DDX46: variants seen among roughly 807,000 people sequenced by gnomAD.
DDX46 encodes probable ATP-dependent RNA helicase DDX46.
In DDX46, 30 loss-of-function variants were observed where a neutral mutation model predicts 134.9. That is an observed-to-expected ratio of 0.22 (90% confidence interval 0.17 to 0.30). The LOEUF (loss-of-function observed/expected upper bound fraction) is 0.30, where lower values mean the gene tolerates loss of function less well. DDX46 is among the 10% of genes least tolerant of loss of function. The pLI is 1.00. For synonymous variants in DDX46, 415 were observed against 404.1 expected, an observed-to-expected ratio of 1.03 and a Z score of -0.32; for missense variants, 622 against 1,248.7, an observed-to-expected ratio of 0.50 and a Z score of 7.56.
rs566603267 is a variant in DDX46 at position 134,787,607 on chromosome 5, C to A, written c.1465-906C>A. ...ACTGTAGTTTGTAGAAATACACTTA[C>A]AAAATAACATGGTACATGCCTGCAC... On this transcript the variant is annotated intron_variant, in intron 11 of 22. Transcript: ENST00000452510. Among the ~76,000 whole-genome samples the A allele has an allele frequency of 5.3e-5, 8 of 152,286 alleles. No individual in the cohort carries two copies. In the South Asian group the frequency reaches 1.2e-3, roughly 24 times the overall value.
rs377108077 is a variant in DDX46, at chr5:134,797,219, A to G, written c.1954+1069A>G. ...AAAACACAAAACACATGGAACAGAGACAGTTTGAATTATTCTCATTAACTA... is the reference window on the plus strand; with the variant it reads ...AAAACACAAAACACATGGAACAGAGGCAGTTTGAATTATTCTCATTAACTA... On this transcript the variant is annotated intron_variant, in intron 15 of 22. Transcript: ENST00000452510. 4.1e-5 allele frequency: 11 copies of G among 269,674 alleles called. No individual in the cohort carries two copies. In the East Asian group the frequency reaches 1.4e-3, roughly 34 times the overall value. 16.7% of individuals were successfully genotyped at this position (269,674 alleles called of 1,614,324 possible). A position where few individuals can be genotyped will look rare whatever the true frequency, so the allele number is the denominator to read the frequency against.
At chr5:134,806,160 T>G (rs2150154023) in intron 15 of DDX46, among the ~76,000 whole-genome samples, 1 of 150,852 alleles carries the variant, frequency 6.6e-6, no homozygotes, top group Middle Eastern at 3.4e-3. Context: ...TTGCAGTGAG[T>G]CCAGATCACG....
chr5:134,771,648 G>A (rs1448818260), intron 4 of DDX46, among the ~76,000 whole-genome samples: 1 of 151,716 alleles, frequency 6.6e-6, no homozygotes, highest in African/African-American at 2.4e-5. Context: ...CTTGCAGTGA[G>A]CCGAGATTGG....
chr5:134,812,657 G>C (rs1755178370), intron 18 of DDX46, among the ~76,000 whole-genome samples: 1 of 151,912 alleles, frequency 6.6e-6, no homozygotes, highest in South Asian at 2.1e-4. Flanking sequence ...AAAATTAGCC[G>C]GGCGTGTCTT....
rs569120916 is a variant in DDX46, at chr5:134,799,316, CTTTTT to C, written c.1954+3175_1954+3179del. 3.5e-5 allele frequency among the ~76,000 whole-genome samples: 5 copies of C among 144,678 alleles called. No homozygotes were observed. In the East Asian group the frequency reaches 1.0e-3, roughly 29 times the overall value. 94.9% of individuals were successfully genotyped at this position (144,678 alleles called of 152,430 possible). ...TAACACTAGTTCAAAACTTGTTTCA[CTTTTT>C]TTTTTTTTCTGAGACAGAGTCTCCC... On this transcript the variant is annotated intron_variant, in intron 15 of 22. Transcript: ENST00000452510.
chr5:134,817,353 A>G (rs946632861), intron 19 of DDX46, 143 bp from the exon 20 acceptor site: 11 of 739,500 alleles, frequency 1.5e-5, no homozygotes, highest in Non-Finnish European at 2.1e-5. Flanking sequence ...AATCACACAT[A>G]TCAATGAGAC....
rs1183599350 is a variant in DDX46 at position 134,768,821 on chromosome 5, G to T, written c.350+1761G>T. ...CACGCCTGTAATCCTAGCACTTTGGGAGGCCGAGGTGGATGGATCACGAGG... is the reference window on the plus strand; with the variant it reads ...CACGCCTGTAATCCTAGCACTTTGGTAGGCCGAGGTGGATGGATCACGAGG... On this transcript the variant is annotated intron_variant, in intron 3 of 22. Coordinates refer to ENST00000452510, the MANE Select transcript of DDX46 (RefSeq NM_001300860.2). Among the ~76,000 whole-genome samples the T allele has an allele frequency of 3.9e-5, 6 of 152,240 alleles. No individual in the cohort carries two copies. In the East Asian group the frequency reaches 7.7e-4, roughly 20 times the overall value.
At chr5:134,780,417 T>G (rs1427247091) in intron 6 of DDX46, among the ~76,000 whole-genome samples, 1 of 150,204 alleles carries the variant, frequency 6.7e-6, no homozygotes, top group Non-Finnish European at 1.5e-5. Flanking sequence ...ATGCAAAAAT[T>G]AGCCGGACTA....
intron 1 of DDX46, among the ~76,000 whole-genome samples, chr5:134,762,596 G>A (rs1406120603): frequency 6.6e-6 from 1 of 151,600 alleles, no homozygotes; most frequent in Non-Finnish European, 1.5e-5. Context: ...GGCTGGGCGT[G>A]GTAGTATAGG....
intron 6 of DDX46, among the ~76,000 whole-genome samples, chr5:134,780,261 ATAT>A (rs1299592706): frequency 4.0e-5 from 6 of 149,890 alleles, no homozygotes; most frequent in Non-Finnish European, 7.4e-5. Context: ...ATTTTTATAT[ATAT>A]TATTGTTATA....
chr5:134,763,503 A>G (rs1331611406), intron 1 of DDX46, among the ~76,000 whole-genome samples: 2 of 152,178 alleles, frequency 1.3e-5, no homozygotes, highest in East Asian at 3.9e-4. Context: ...TTTGCGTGGA[A>G]AATTCCCTGT....
intron 1 of DDX46, among the ~76,000 whole-genome samples, chr5:134,760,722 TG>T (rs1311209728): frequency 6.6e-6 from 1 of 152,076 alleles, no homozygotes; most frequent in Non-Finnish European, 1.5e-5. Context: ...ATTACTTGGT[TG>T]TTTTTTTGTT....
intron 6 of DDX46, among the ~76,000 whole-genome samples, chr5:134,780,564 CAATAAATAAATAAATAAATA>C (rs10655595): frequency 1.4e-5 from 2 of 142,308 alleles, no homozygotes; most frequent in Non-Finnish European, 3.0e-5. Context: ...AACTTTATCT[CAATAAATAAATAAATAAATA>C]AATAAATAAA....
At position 134,769,465 on chromosome 5, in the gene DDX46, A is replaced by G. The variant is rs1753689149; in HGVS notation, c.351-1438A>G. The stretch of plus-strand genomic sequence containing the variant: ...CCTGCCTCAGCCTCCTGAATAGCTG[A>G]GATTACAGGCACGTGCCACCATACC... On this transcript the variant is annotated intron_variant, in intron 3 of 22. Coordinates refer to ENST00000452510, the MANE Select transcript of DDX46 (RefSeq NM_001300860.2). Among the ~76,000 whole-genome samples the G allele has an allele frequency of 2.7e-5, 4 of 147,968 alleles. No homozygotes were observed. The South Asian group carries it at 8.5e-4, about 31-fold the overall frequency.
At chr5:134,780,477 T>C (rs1418672268) in intron 6 of DDX46, among the ~76,000 whole-genome samples, 1 of 149,736 alleles carries the variant, frequency 6.7e-6, no homozygotes, top group African/African-American at 2.4e-5. Context: ...GGCAGGAGAA[T>C]TGCTTGAATC....
chr5:134,771,951 C>T (rs1048110459), intron 4 of DDX46, among the ~76,000 whole-genome samples: 3 of 152,186 alleles, frequency 2.0e-5, no homozygotes, highest in African/African-American at 7.2e-5. Flanking sequence ...CGACTTAAGG[C>T]TGGGCACAGT....
chr5:134,828,172 A>G (rs559305926), intron 22 of DDX46, among the ~76,000 whole-genome samples: 1 of 152,148 alleles, frequency 6.6e-6, no homozygotes, highest in Non-Finnish European at 1.5e-5. Context: ...ATTTCCTTTG[A>G]AAGGAAACGT....
At chr5:134,795,062 G>A in intron 14 of DDX46, 48 bp downstream of exon 14, 2 of 1,601,092 alleles carry the variant, frequency 1.2e-6, no homozygotes, top group Non-Finnish European at 1.7e-6. Context: ...TACTTAGGTG[G>A]TATGTATGAT....
intron 16 of DDX46, among the ~76,000 whole-genome samples, chr5:134,808,843 C>T (rs1224436443): frequency 1.3e-5 from 2 of 152,124 alleles, no homozygotes; most frequent in Non-Finnish European, 2.9e-5. Flanking sequence ...CATAATAAAG[C>T]AATAAGTAGT....
Sources: gnomAD v4.1 joint callset for allele counts (sites outside exome capture counted in the v4.1 genomes callset) on GRCh38, gnomAD v4.1.1 for gene constraint, MANE v1.5 for transcripts, NCBI Gene and HGNC (gene_info 2026-07-23, HGNC 2026-07-21) for gene names.